Variants in MYLK observed in about 807,000 individuals in gnomAD.
MYLK encodes the protein myosin light chain kinase, smooth muscle.
MYLK carries 106 observed loss-of-function variants against 203.4 expected under a neutral mutation model. The ratio of observed to expected loss-of-function variants is 0.52; its 90% confidence interval spans 0.45 to 0.61. The LOEUF (loss-of-function observed/expected upper bound fraction) is 0.61, where lower values mean the gene tolerates loss of function less well. Ranked by LOEUF, MYLK falls within the 20% of genes least tolerant of loss-of-function variation. MYLK has a pLI of 0.00. For missense variants in MYLK, 2,072 were observed against 2,442.3 expected (o/e 0.85, Z 3.20); for synonymous variants, 867 against 959.5 (o/e 0.90, Z 1.78).
At chr3:123,711,632 C>G (rs1287850889) in intron 13 of MYLK, among the ~76,000 whole-genome samples, 2 of 152,196 alleles carry the variant, frequency 1.3e-5, no homozygotes, top group African/African-American at 4.8e-5. Context: ...TCTGGTCTCT[C>G]CCTTGGTTCT....
intron 4 of MYLK, among the ~76,000 whole-genome samples, chr3:123,768,714 T>C (rs1288788398): frequency 6.6e-6 from 1 of 152,250 alleles, no homozygotes; most frequent in African/African-American, 2.4e-5. Flanking sequence ...CAAAAGGGGA[T>C]AATCATAGTT....
chr3:123,752,596 C>T, intron 4 of MYLK, 58 bp from the exon 5 acceptor site: 1 of 1,518,458 alleles, frequency 6.6e-7, no homozygotes, highest in Non-Finnish European at 8.9e-7. Context: ...CTCTCTGTGT[C>T]AGGTATTGTT....
intron 9 of MYLK, 80 bp downstream of exon 9, chr3:123,735,305 TAAGATGATTCAGA>T: frequency 6.5e-7 from 1 of 1,529,156 alleles, no homozygotes; most frequent in Non-Finnish European, 9.1e-7. Flanking sequence ...TTCTGCCCCA[TAAGATGATTCAGA>T]AATTCAGGGC....
intron 8 of MYLK, among the ~76,000 whole-genome samples, chr3:123,736,207 C>T (rs918117469): frequency 2.0e-5 from 3 of 152,096 alleles, no homozygotes; most frequent in African/African-American, 4.8e-5. Flanking sequence ...GTACACAGTA[C>T]GGTCAGGATG....
intron 4 of MYLK, among the ~76,000 whole-genome samples, chr3:123,779,689 A>G (rs560835875): frequency 3.9e-5 from 6 of 152,320 alleles, no homozygotes; most frequent in Non-Finnish European, 8.8e-5. Flanking sequence ...AAGTGAGTCT[A>G]TTGCTCATCC....
intron 4 of MYLK, among the ~76,000 whole-genome samples, chr3:123,765,990 A>G (rs2108955982): frequency 6.6e-6 from 1 of 152,194 alleles, no homozygotes; most frequent in East Asian, 1.9e-4. Context: ...CCAGAGATAA[A>G]TGGTGGTGAT....
intron 10 of MYLK, 23 bp from the exon 11 acceptor site, chr3:123,733,125 T>C (rs780442257): frequency 3.1e-6 from 5 of 1,609,504 alleles, no homozygotes; most frequent in Non-Finnish European, 8.5e-7. Context: ...GTAAAGAACG[T>C]GAGCTCCCTA....
At chr3:123,790,959 A>C (rs2064756930) in intron 4 of MYLK, among the ~76,000 whole-genome samples, 1 of 152,222 alleles carries the variant, frequency 6.6e-6, no homozygotes, top group Non-Finnish European at 1.5e-5. Flanking sequence ...CCTGGGTCCA[A>C]GAAGTTGCTT....
intron 4 of MYLK, among the ~76,000 whole-genome samples, chr3:123,755,485 C>G (rs934875736): frequency 6.6e-6 from 1 of 152,222 alleles, no homozygotes; most frequent in Non-Finnish European, 1.5e-5. Context: ...TTGCAGTTCA[C>G]TATGATACTT....
chr3:123,682,440 G>C, intron 19 of MYLK, 130 bp from the exon 20 acceptor site: 2 of 751,144 alleles, frequency 2.7e-6, no homozygotes, highest in Non-Finnish European at 4.6e-6. Flanking sequence ...CCGCTGGGCA[G>C]AACAGCGCCT....
chr3:123,762,806 T>C (rs1457845295), intron 4 of MYLK, among the ~76,000 whole-genome samples: 1 of 152,200 alleles, frequency 6.6e-6, no homozygotes, highest in East Asian at 1.9e-4. Context: ...AGGTGCTCTC[T>C]TGGAAACAGA....
intron 4 of MYLK, among the ~76,000 whole-genome samples, chr3:123,762,825 C>T (rs1194804113): frequency 1.3e-5 from 2 of 152,148 alleles, no homozygotes; most frequent in East Asian, 3.9e-4. Flanking sequence ...GAAAGACTGG[C>T]CCTCACCAAG....
At chr3:123,655,205 A>G (rs2059354872) in intron 24 of MYLK, among the ~76,000 whole-genome samples, 1 of 151,946 alleles carries the variant, frequency 6.6e-6, no homozygotes, top group East Asian at 1.9e-4. Flanking sequence ...AAATCCAAAG[A>G]CCCTCTGAGT....
chr3:123,841,855 T>C (rs2066599184), intron 2 of MYLK, among the ~76,000 whole-genome samples: 1 of 152,064 alleles, frequency 6.6e-6, no homozygotes, highest in Non-Finnish European at 1.5e-5. Flanking sequence ...TCTACTTAAA[T>C]CATCCAAATA....
chr3:123,754,456 T>C (rs970819845), intron 4 of MYLK, among the ~76,000 whole-genome samples: 5 of 152,204 alleles, frequency 3.3e-5, no homozygotes, highest in African/African-American at 1.2e-4. Flanking sequence ...ACTATACTCA[T>C]GACAGAGATT....
chr3:123,854,906 T>C (rs1338834600), intron 2 of MYLK, among the ~76,000 whole-genome samples: 5 of 152,188 alleles, frequency 3.3e-5, no homozygotes, highest in African/African-American at 1.2e-4. Flanking sequence ...ACAGAAAAGT[T>C]ACTCCTCTGT....
chr3:123,722,372 C>T, intron 12 of MYLK, 92 bp from the exon 13 acceptor site: 2 of 1,132,782 alleles, frequency 1.8e-6, no homozygotes, highest in South Asian at 2.7e-5. Flanking sequence ...TGTCATGACG[C>T]TGAGACTTGT....
At chr3:123,670,189 A>C (rs992021164) in intron 20 of MYLK, among the ~76,000 whole-genome samples, 1 of 151,250 alleles carries the variant, frequency 6.6e-6, no homozygotes, top group African/African-American at 2.4e-5. Flanking sequence ...GAAAGTTATA[A>C]AAAAAGATGT....
In MYLK at chr3:123,866,240, C is replaced by G. The variant is rs940163596; in HGVS notation, c.-127+10319G>C. ...CCAGCAATTGATGACTGGAACAAAC[C>G]CTGCAGAAATAGGTGCTACTTATGG... On this transcript the variant is annotated intron_variant, in intron 2 of 33. Coordinates refer to ENST00000360304, the MANE Select transcript of MYLK (RefSeq NM_053025.4). Among the ~76,000 whole-genome samples the G allele has an allele frequency of 5.9e-5, 9 of 152,260 alleles. No homozygotes were observed. The South Asian group carries it at 1.9e-3, about 32-fold the overall frequency.
Sources: gnomAD v4.1 joint callset for allele counts (sites outside exome capture counted in the v4.1 genomes callset) on GRCh38, gnomAD v4.1.1 for gene constraint, MANE v1.5 for transcripts, NCBI Gene and HGNC (gene_info 2026-07-23, HGNC 2026-07-21) for gene names.